Variants in ITGB4 observed in about 807,000 individuals in gnomAD.
The protein encoded by ITGB4 is integrin beta-4.
Under a neutral mutation model 207.6 loss-of-function variants are expected in ITGB4, and 159 were observed. The ratio of observed to expected loss-of-function variants is 0.77; its 90% CI spans 0.67 to 0.87. The LOEUF (loss-of-function observed/expected upper bound fraction) is 0.87. Among genes scored for constraint, ITGB4 ranks in the 40% least tolerant of loss-of-function variants. The pLI is 0.00. For missense variants in ITGB4, 2,278 were observed against 2,546.8 expected, an observed-to-expected ratio of 0.89 and a Z score of 2.27; for synonymous variants, 1,020 against 1,062.7, an observed-to-expected ratio of 0.96 and a Z score of 0.78.
At position 75,729,544 on chromosome 17, in the gene ITGB4, G is replaced by C. The variant is rs1182811851; in HGVS notation, c.738+108G>C. On this transcript the variant is annotated intron_variant, in intron 7 of 39. Coordinates refer to ENST00000200181, the MANE Select transcript of ITGB4 (RefSeq NM_000213.5). The surrounding 1 kb of genome is among the most constrained non-coding windows in gnomAD (Gnocchi z 4.4). ...CTGGTGCCAGGCTCACAGGCCCTGA[G>C]GGAAAGCCTGGGAGCCTGCAACCCC... 10 of 1,168,240 alleles carry C rather than the reference G, an allele frequency of 8.6e-6. No individual in the cohort carries two copies. Among genetic ancestry groups the C allele is most frequent in the Non-Finnish European group, 1.2e-5 (10 of 846,230 alleles). The allele number at this position is 1,168,240 out of a possible 1,614,324, so 72.4% of individuals were successfully genotyped here. A position where few individuals can be genotyped will look rare whatever the true frequency, so the allele number is the denominator to read the frequency against.
chr17:75,742,386 G>A lies in ITGB4; in HGVS notation c.2679G>A (p.Ser893=), dbSNP rs149712551. ...IVDTVLMAPR[S]AKPALLKLTE... is the part of the protein sequence containing the mutation. ...ACACAGTGCTGATGGCGCCCCGCTC[G>A]GCCAAGCCGGCCCTGCTGAAGCTTA... Residue 893 remains serine, a synonymous_variant, in exon 24 of 40, where the codon TCG becomes TCA. Coordinates refer to ENST00000200181, the MANE Select transcript of ITGB4 (RefSeq NM_000213.5). The surrounding 1 kb of genome is among the most constrained non-coding windows in gnomAD (Gnocchi z 5.9). 21 of 1,613,398 alleles carry A rather than the reference G, an allele frequency of 1.3e-5. No individual in the cohort carries two copies. Among genetic ancestry groups the A allele is most frequent in the Middle Eastern group, 1.6e-4 (1 of 6,062 alleles).
chr17:75,736,324 C>T lies in ITGB4; in HGVS notation c.1798C>T (p.Arg600Cys), dbSNP rs748948005. 1.1e-5 allele frequency: 18 copies of T among 1,612,878 alleles called. No homozygotes were observed. Among genetic ancestry groups the T allele is most frequent in the African/African-American group, 2.7e-5 (2 of 74,554 alleles). The stretch of plus-strand genomic sequence containing the variant: ...TGGACGTGGCCACTGTGAGTGTGGC[C>T]GCTGCCACTGCCACCAGCAGTCGCT... Reference protein sequence around the residue: ...CNGRGHCECGRCHCHQQSLYT... With the variant: ...CNGRGHCECGCCHCHQQSLYT... Residue 600 changes from arginine (R) to cysteine (C), a missense_variant, in exon 15 of 40, where the codon CGC becomes TGC. Physicochemically the swap from Arg to Cys is radical, Grantham distance 180. Transcript: ENST00000200181.
At chr17:75,728,150 G>A (rs1599219981) in intron 5 of ITGB4, among the ~76,000 whole-genome samples, 1 of 152,230 alleles carries the variant, frequency 6.6e-6, no homozygotes, top group African/African-American at 2.4e-5. Flanking sequence ...GAGCTGGGCT[G>A]CATTCCCAGC....
Position 75,727,637 on chromosome 17 carries a change from T to A in ITGB4, c.265-14T>A, listed in dbSNP as rs369576655. Reference sequence around the variant, plus strand: ...GTGACCCTCTAGCCAGCTGTCCCCTTCCACTGGCTGCAGGAGACCCAGATT... The same window carrying A: ...GTGACCCTCTAGCCAGCTGTCCCCTACCACTGGCTGCAGGAGACCCAGATT... On this transcript the variant is annotated splice_polypyrimidine_tract_variant and intron_variant, in intron 4 of 39. Transcript: ENST00000200181. This position sits in a 1 kb window ranked among gnomAD's most constrained non-coding sequence, Gnocchi z 6.0. 1.3e-5 allele frequency: 20 copies of A among 1,597,180 alleles called. No homozygotes were observed. Among genetic ancestry groups the A allele is most frequent in the Non-Finnish European group, 1.7e-5 (20 of 1,172,270 alleles).
chr17:75,730,894 C>G lies in ITGB4; in HGVS notation c.1022C>G (p.Pro341Arg), dbSNP rs763776677. Residue 341 changes from proline (P) to arginine (R), a missense_variant, in exon 9 of 40, where the codon CCT (proline) becomes CGT (arginine). Physicochemically the swap from Pro to Arg is moderately radical, Grantham distance 103. Coordinates refer to ENST00000200181, the MANE Select transcript of ITGB4 (RefSeq NM_000213.5). ...SYYEKLHTYFPVSSLGVLQED... is the reference protein window; with the variant it reads ...SYYEKLHTYFRVSSLGVLQED... Reference sequence around the variant, plus strand: ...CCGCAGAAGCTTCACACCTATTTCCCTGTCTCCTCACTGGGGGTGCTGCAG... The same window carrying G: ...CCGCAGAAGCTTCACACCTATTTCCGTGTCTCCTCACTGGGGGTGCTGCAG... 2 of 1,613,640 alleles carry G rather than the reference C, an allele frequency of 1.2e-6. No homozygotes were observed. Among genetic ancestry groups the G allele is most frequent in the Admixed American group, 1.7e-5 (1 of 60,030 alleles).
rs945809279 is a variant in ITGB4 at position 75,753,813 on chromosome 17, G to A, written c.4157G>A (p.Arg1386Gln). 4.1e-6 allele frequency: 6 copies of A among 1,465,806 alleles called. No homozygotes were observed. In the African/African-American group the frequency reaches 8.6e-5, roughly 21 times the overall value. The allele number at this position is 1,465,806 out of a possible 1,614,324, so 90.8% of individuals were successfully genotyped here. ...EPLLGEELDLRRVTWRLPPEL... is the reference protein window; with the variant it reads ...EPLLGEELDLQRVTWRLPPEL... Reference sequence around the variant, plus strand: ...CTGCTGGGGGAGGAGCTGGACCTGCGGCGCGTCACGTGGCGGCTGCCCCCG... The same window carrying A: ...CTGCTGGGGGAGGAGCTGGACCTGCAGCGCGTCACGTGGCGGCTGCCCCCG... Residue 1386 changes from arginine to glutamine, a missense_variant, in exon 33 of 40, where the codon CGG becomes CAG. Physicochemically the swap from Arg to Gln is conservative, Grantham distance 43. Transcript: ENST00000200181.
Position 75,750,497 on chromosome 17 carries a change from C to A in ITGB4, c.3475-183C>A, listed in dbSNP as rs115406496. On this transcript the variant is annotated intron_variant, in intron 28 of 39. Transcript: ENST00000200181. This position sits in a 1 kb window ranked among gnomAD's most constrained non-coding sequence, Gnocchi z 5.5. ...CTAGAATGGGGCCCCCTCCCACCCC[C>A]GCATGGGAGATACCCCCACCTGCTC... Among the ~76,000 whole-genome samples, 4 of 152,144 alleles carry A rather than the reference C, an allele frequency of 2.6e-5. No individual in the cohort carries two copies. The highest frequency in any genetic ancestry group is 9.7e-5 in the African/African-American group (4 of 41,426).
In ITGB4 at chr17:75,742,651, G is replaced by T; in HGVS notation, c.2852G>T (p.Arg951Leu). 6.2e-7 allele frequency: 1 copy of T among 1,614,032 alleles called. No homozygotes were observed. The highest frequency in any genetic ancestry group is 8.5e-7 in the Non-Finnish European group (1 of 1,180,026). ...GACGTACGGGTGCCCCTCTTTATCC[G>T]GCCTGAGGATGACGACGAGAAGCAG... ...LVDVRVPLFI[R>L]PEDDDEKQLL... is the part of the protein sequence containing the mutation. Residue 951 changes from arginine to leucine, a missense_variant, in exon 25 of 40, where the codon CGG becomes CTG. Physicochemically the swap from Arg to Leu is moderately radical, Grantham distance 102. Coordinates refer to ENST00000200181, the MANE Select transcript of ITGB4 (RefSeq NM_000213.5). This position sits in a 1 kb window ranked among gnomAD's most constrained non-coding sequence, Gnocchi z 5.9.
intron 26 of ITGB4, among the ~76,000 whole-genome samples, chr17:75,747,809 C>T (rs2061265961): frequency 6.6e-6 from 1 of 152,266 alleles, no homozygotes; most frequent in East Asian, 1.9e-4. Flanking sequence ...GCCACCATGC[C>T]GGGCTAATGA....
At position 75,739,830 on chromosome 17, in the gene ITGB4, G is replaced by A; in HGVS notation, c.2255-50G>A. On this transcript the variant is annotated intron_variant, in intron 19 of 39. Transcript: ENST00000200181. This position sits in a 1 kb window ranked among gnomAD's most constrained non-coding sequence, Gnocchi z 5.4. ...TCTGGGGTCCCACCTGAAGAGGTTGGGCTGTGCGGGTCTAGGGAGGGGTGC... is the reference window on the plus strand; with the variant it reads ...TCTGGGGTCCCACCTGAAGAGGTTGAGCTGTGCGGGTCTAGGGAGGGGTGC... The A allele has an allele frequency of 1.9e-6, 3 of 1,611,206 alleles. No individual in the cohort carries two copies. The highest frequency in any genetic ancestry group is 2.5e-6 in the Non-Finnish European group (3 of 1,177,804).
chr17:75,744,535 A>G (rs1353206387), intron 26 of ITGB4, among the ~76,000 whole-genome samples: 1 of 152,108 alleles, frequency 6.6e-6, no homozygotes, highest in Non-Finnish European at 1.5e-5. Context: ...CTCCCCCTAT[A>G]TGCCCCAGTC....
At chr17:75,734,153 T>TTTTTTTTA (rs2060926185) in intron 13 of ITGB4, among the ~76,000 whole-genome samples, 1 of 118,314 alleles carries the variant, frequency 8.5e-6, no homozygotes, top group African/African-American at 3.1e-5. Flanking sequence ...TTTTTTTTTT[T>TTTTTTTTA]GAGACAGAGT....
chr17:75,737,221 G>A (rs1599253462), intron 16 of ITGB4, 101 bp from the exon 17 acceptor site: 1 of 1,442,594 alleles, frequency 6.9e-7, no homozygotes, highest in Non-Finnish European at 9.4e-7. Context: ...CCCTGCCGTG[G>A]GTGAGGCAGA....
rs954844174 is a variant in ITGB4 at position 75,731,565 on chromosome 17, G to A, written c.1215+197G>A. 1.3e-4 allele frequency among the ~76,000 whole-genome samples: 20 copies of A among 152,162 alleles called. No individual in the cohort carries two copies. Among genetic ancestry groups the A allele is most frequent in the African/African-American group, 4.6e-4 (19 of 41,450 alleles). ...TCCTCGGCATGCAAGCGTCGAGCCC[G>A]GAGGCTTGCTGGGGCAGTAAATGGG... is the stretch of plus-strand genomic sequence containing the variant. On this transcript the variant is annotated intron_variant, in intron 10 of 39. Transcript: ENST00000200181. The surrounding 1 kb of genome is among the most constrained non-coding windows in gnomAD (Gnocchi z 6.8).
chr17:75,754,999 T>C, intron 34 of ITGB4, 184 bp downstream of exon 34: 1 of 1,565,558 alleles, frequency 6.4e-7, no homozygotes, highest in Non-Finnish European at 8.7e-7. Context: ...TGCGCACACG[T>C]ACACACATGC....
chr17:75,742,352 C>A lies in ITGB4; in HGVS notation c.2645C>A (p.Thr882Asn), dbSNP rs753528501. Reference sequence around the variant, plus strand: ...CACCCTCGACCCAGGCAAGACCACACCATTGTGGACACAGTGCTGATGGCG... The same window carrying A: ...CACCCTCGACCCAGGCAAGACCACAACATTGTGGACACAGTGCTGATGGCG... ...QPNAGKKQDH[T>N]IVDTVLMAPR... is the part of the protein sequence containing the mutation. The change falls in exon 24 of 40, where the codon ACC becomes AAC. Residue 882 changes from threonine to asparagine, a missense_variant. By Grantham distance (65) the Thr-to-Asn change is moderately conservative (BLOSUM62 0). Transcript: ENST00000200181. The surrounding 1 kb of genome is among the most constrained non-coding windows in gnomAD (Gnocchi z 5.9). 2 of 1,613,318 alleles carry A rather than the reference C, an allele frequency of 1.2e-6. No homozygotes were observed. The highest frequency in any genetic ancestry group is 2.7e-5 in the African/African-American group (2 of 74,952).
chr17:75,732,711 T>C lies in ITGB4; in HGVS notation c.1454+472T>C, dbSNP rs1336329637. Among the ~76,000 whole-genome samples, 1 of 152,078 alleles carries C rather than the reference T, an allele frequency of 6.6e-6. No homozygotes were observed. Among genetic ancestry groups the C allele is most frequent in the African/African-American group, 2.4e-5 (1 of 41,396 alleles). ...GGGTGACATGACAGGGCACTGGGGT[T>C]TAGGTCTCAGCTCAGCCACTTCTGT... On this transcript the variant is annotated intron_variant, in intron 12 of 39. Coordinates refer to ENST00000200181, the MANE Select transcript of ITGB4 (RefSeq NM_000213.5). The surrounding 1 kb of genome is among the most constrained non-coding windows in gnomAD (Gnocchi z 5.3).
rs1390152694 is a variant in ITGB4, at chr17:75,722,734, G to A, written c.-11+1122G>A. ...GGGATGGGGGCCAGGGGAGCTCTGAGCCTGTGGGTGGGTGGGCATGGCCTG... is the reference window on the plus strand; with the variant it reads ...GGGATGGGGGCCAGGGGAGCTCTGAACCTGTGGGTGGGTGGGCATGGCCTG... On this transcript the variant is annotated intron_variant, in intron 1 of 39. Transcript: ENST00000200181. The surrounding 1 kb of genome is among the most constrained non-coding windows in gnomAD (Gnocchi z 6.2). 6.6e-6 allele frequency among the ~76,000 whole-genome samples: 1 copy of A among 150,862 alleles called. No homozygotes were observed. The highest frequency in any genetic ancestry group is 1.5e-5 in the Non-Finnish European group (1 of 67,730).
chr17:75,742,775 G>A lies in ITGB4; in HGVS notation c.2962+14G>A, dbSNP rs369351466. 3.9e-5 allele frequency: 62 copies of A among 1,601,938 alleles called. No individual in the cohort carries two copies. Among genetic ancestry groups the A allele is most frequent in the Middle Eastern group, 1.6e-4 (1 of 6,068 alleles). On this transcript the variant is annotated intron_variant, in intron 25 of 39. Transcript: ENST00000200181. The surrounding 1 kb of genome is among the most constrained non-coding windows in gnomAD (Gnocchi z 5.9). ...TCAAGGAGCAAGGTGGGTCTGGGTG[G>A]GGAGAGTGGGGAAGGCAGACGGGGG...
Sources: gnomAD v4.1 joint callset for allele counts (sites outside exome capture counted in the v4.1 genomes callset) on GRCh38, gnomAD v4.1.1 for gene constraint, Gnocchi (gnomAD v3.1) non-coding constraint, MANE v1.5 for transcripts, NCBI Gene and HGNC (gene_info 2026-07-23, HGNC 2026-07-21) for gene names.